The following RANBP2 variants were observed in gnomAD, a reference collection of about 807,000 sequenced individuals.
The protein encoded by RANBP2 is RAN binding protein 2.
A neutral mutation model predicts 303.6 loss-of-function variants in RANBP2; 57 were observed. The ratio of observed to expected loss-of-function variants is 0.19; its 90% confidence interval spans 0.15 to 0.23. RANBP2 has a LOEUF of 0.23. Ranked by LOEUF, RANBP2 falls within the 10% of genes least tolerant of loss-of-function variation. The pLI, the probability that RANBP2 is intolerant of heterozygous loss-of-function variation, is 1.00. For synonymous variants in RANBP2, 1,167 were observed against 1,301.5 expected, an observed-to-expected ratio of 0.90 and a Z score of 2.23; for missense variants, 3,138 against 3,780.8, an observed-to-expected ratio of 0.83 and a Z score of 4.46.
the RANBP2 span, among the ~76,000 whole-genome samples, chr2:109,301,389 G>T: frequency 2.8e-4 from 43 of 151,868 alleles, no homozygotes; most frequent in Admixed American, 2.8e-3. Flanking sequence ...GGGACCTTGG[G>T]TCTCTGTCTG....
the RANBP2 span, among the ~76,000 whole-genome samples, chr2:109,654,982 A>C: frequency 6.6e-6 from 1 of 150,786 alleles, no homozygotes; most frequent in Non-Finnish European, 1.5e-5. Flanking sequence ...GGCTCATTGC[A>C]ACCTCTGCTT....
At chr2:109,251,304 G>C in the RANBP2 span, 2 of 408,270 alleles carry the variant, frequency 4.9e-6, no homozygotes, top group Admixed American at 3.5e-5. Flanking sequence ...ACCATGCCCG[G>C]CCCAAATTAT....
At chr2:109,258,913 G>C in the RANBP2 span, among the ~76,000 whole-genome samples, 3 of 152,176 alleles carry the variant, frequency 2.0e-5, no homozygotes, top group Non-Finnish European at 4.4e-5. Context: ...TTCAGCTCGA[G>C]CTGCAGAGAG....
chr2:109,138,671 C>T, the RANBP2 span, among the ~76,000 whole-genome samples: 7 of 152,238 alleles, frequency 4.6e-5, no homozygotes, highest in Non-Finnish European at 1.0e-4. Context: ...GGTCTGCACA[C>T]CCTGCCTGCA....
chr2:109,331,874 A>C, the RANBP2 span, among the ~76,000 whole-genome samples: 1 of 152,092 alleles, frequency 6.6e-6, no homozygotes, highest in African/African-American at 2.4e-5. Flanking sequence ...CTGAGGAGAG[A>C]CCTCTCACCA....
At chr2:108,966,226 G>A in the RANBP2 span, among the ~76,000 whole-genome samples, 2 of 152,182 alleles carry the variant, frequency 1.3e-5, no homozygotes, top group South Asian at 4.1e-4. Flanking sequence ...AGACCTGTCT[G>A]CCTTGCATGT....
chr2:108,808,435 A>G, the RANBP2 span, among the ~76,000 whole-genome samples: 1 of 152,110 alleles, frequency 6.6e-6, no homozygotes, highest in Non-Finnish European at 1.5e-5. Context: ...GAACCTGAAT[A>G]CTTGTGTTTT....
the RANBP2 span, chr2:109,449,278 C>T: frequency 2.2e-5 from 35 of 1,610,556 alleles, no homozygotes; most frequent in East Asian, 2.0e-4. Flanking sequence ...AGGCCCCACT[C>T]GGTGGTGTCC....
the RANBP2 span, among the ~76,000 whole-genome samples, chr2:108,924,535 G>C: frequency 6.6e-6 from 1 of 152,190 alleles, no homozygotes; most frequent in South Asian, 2.1e-4. Flanking sequence ...TATTTCCATG[G>C]CTGCTTTCTA....
At chr2:108,967,131 T>G in the RANBP2 span, among the ~76,000 whole-genome samples, 2 of 152,154 alleles carry the variant, frequency 1.3e-5, no homozygotes, top group East Asian at 3.9e-4. Context: ...GACGGAGTTT[T>G]GTCATGTTGG....
chr2:109,090,011 A>G, the RANBP2 span, among the ~76,000 whole-genome samples: 1 of 152,116 alleles, frequency 6.6e-6, no homozygotes, highest in South Asian at 2.1e-4. Flanking sequence ...TAATAGTTCT[A>G]TGCCTTCTCC....
At chr2:109,473,910 C>T in the RANBP2 span, among the ~76,000 whole-genome samples, 4 of 152,310 alleles carry the variant, frequency 2.6e-5, no homozygotes, top group Non-Finnish European at 5.9e-5. Context: ...ATCAGCAGTG[C>T]TGTCATTACC....
chr2:108,853,560 G>A, the RANBP2 span, among the ~76,000 whole-genome samples: 1 of 148,178 alleles, frequency 6.7e-6, no homozygotes, highest in Admixed American at 6.8e-5. Flanking sequence ...GGGATCTCAC[G>A]CTATCACTCA....
At chr2:108,917,140 G>A in the RANBP2 span, among the ~76,000 whole-genome samples, 73 of 152,324 alleles carry the variant, frequency 4.8e-4, 1 homozygote, top group Middle Eastern at 3.4e-3. Context: ...CTCCGTGGCC[G>A]ACAGGCGAGG....
chr2:109,544,375 TA>T, the RANBP2 span: 3 of 1,551,122 alleles, frequency 1.9e-6, no homozygotes, highest in Non-Finnish European at 2.6e-6. Flanking sequence ...AAAATTCAAG[TA>T]AAAATTAGCA....
At chr2:109,494,062 A>G in the RANBP2 span, among the ~76,000 whole-genome samples, 2 of 152,168 alleles carry the variant, frequency 1.3e-5, no homozygotes, top group African/African-American at 2.4e-5. Context: ...TGAGAATGAC[A>G]GACTTTGGGA....
At chr2:108,752,034 T>G in intron 12 of RANBP2, 40 bp downstream of exon 12, 2 of 1,606,810 alleles carry the variant, frequency 1.2e-6, no homozygotes, top group Non-Finnish European at 1.7e-6. Context: ...GAACATTACC[T>G]TAATTTTTTA....
chr2:109,522,279 T>C, the RANBP2 span, among the ~76,000 whole-genome samples: 2 of 149,344 alleles, frequency 1.3e-5, no homozygotes, highest in Non-Finnish European at 2.9e-5. Context: ...TCTTTTCTTT[T>C]TTTTAAAAAA....
At chr2:109,153,488 C>T in the RANBP2 span, among the ~76,000 whole-genome samples, 13 of 152,080 alleles carry the variant, frequency 8.5e-5, no homozygotes, top group Middle Eastern at 3.2e-3. Flanking sequence ...TGAAACTTGC[C>T]AGGAGAAATA....
Sources: gnomAD v4.1 joint callset for allele counts (sites outside exome capture counted in the v4.1 genomes callset) on GRCh38, gnomAD v4.1.1 for gene constraint, MANE v1.5 for transcripts, NCBI Gene and HGNC (gene_info 2026-07-23, HGNC 2026-07-21) for gene names.